Variants in DHX37 observed in about 807,000 individuals in gnomAD.
The protein encoded by DHX37 is probable ATP-dependent RNA helicase DHX37.
Under a neutral mutation model 134.3 loss-of-function variants are expected in DHX37, and 52 were observed. That is an observed-to-expected ratio of 0.39 (90% CI 0.31 to 0.49). The LOEUF is 0.49. DHX37 is among the 20% of genes least tolerant of loss of function. The pLI is 0.93. For missense variants in DHX37, 1,344 were observed against 1,580.8 expected, an observed-to-expected ratio of 0.85 and a Z score of 2.54; for synonymous variants, 634 against 670.7, an observed-to-expected ratio of 0.95 and a Z score of 0.85.
At chr12:124,961,293 C>CGCGT (rs1433845116) in intron 15 of DHX37, among the ~76,000 whole-genome samples, 2 of 142,596 alleles carry the variant, frequency 1.4e-5, no homozygotes, top group African/African-American at 5.5e-5. Flanking sequence ...CACACTTACA[C>CGCGT]GCGTGCACGC....
At position 124,980,747 on chromosome 12, in the gene DHX37, C is replaced by G. The variant is rs552765231; in HGVS notation, c.481G>C (p.Glu161Gln). The G allele has an allele frequency of 5.1e-6, 8 of 1,558,548 alleles. No homozygotes were observed. In the South Asian group the frequency reaches 8.1e-5, roughly 16 times the overall value. The change falls in exon 4 of 27, where the codon GAG (glutamate) becomes CAG (glutamine). Residue 161 changes from glutamate to glutamine, a missense_variant. Around this residue, in one of 7 missense-constraint regions of DHX37, gnomAD observed 319 missense variants for 296.1 expected, o/e 1.08. Transcript: ENST00000308736. This position sits in a 1 kb window ranked among gnomAD's most constrained non-coding sequence, Gnocchi z 5.3. ...RKRRRWPSAEEEEEEEEESES... is the reference protein window; with the variant it reads ...RKRRRWPSAEQEEEEEEESES... ...GACTCCTCCTCCTCCTCCTCCTCCT[C>G]CTCAGCTGAGGGCCAGCGGCGACGC...
At chr12:124,947,975 G>C (rs775544466) in intron 26 of DHX37, 88 bp from the exon 27 acceptor site, 6 of 1,612,360 alleles carry the variant, frequency 3.7e-6, no homozygotes, top group Non-Finnish European at 5.1e-6. Context: ...AGCAGCCGTG[G>C]GGCCAGATCC....
chr12:124,964,466 G>A lies in DHX37; in HGVS notation c.1973C>T (p.Thr658Ile), dbSNP rs199569663. The A allele has an allele frequency of 8.5e-5, 138 of 1,614,130 alleles. No individual in the cohort carries two copies. The highest frequency in any genetic ancestry group is 6.6e-4 in the Middle Eastern group (4 of 6,084). ...RVTGVSSFRVTWVSQASADQR... is the reference protein window; with the variant it reads ...RVTGVSSFRVIWVSQASADQR... Reference sequence around the variant, plus strand: ...GTCAGCTGATGCCTGGGAGACCCAGGTGACACGGAAGGAGGATACGCCAGT... The same window carrying A: ...GTCAGCTGATGCCTGGGAGACCCAGATGACACGGAAGGAGGATACGCCAGT... Residue 658 changes from threonine (T) to isoleucine (I), a missense_variant, in exon 15 of 27, where the codon ACC (threonine) becomes ATC (isoleucine). Coordinates refer to ENST00000308736, the MANE Select transcript of DHX37 (RefSeq NM_032656.4).
At chr12:124,960,719 T>A (rs574642369) in intron 15 of DHX37, among the ~76,000 whole-genome samples, 159 of 152,270 alleles carry the variant, frequency 1.0e-3, no homozygotes, top group Non-Finnish European at 2.0e-3. Context: ...TTTGGAAGGC[T>A]GGGGTGGGTG....
intron 2 of DHX37, among the ~76,000 whole-genome samples, chr12:124,984,109 T>C (rs1954814199): frequency 6.6e-6 from 1 of 152,210 alleles, no homozygotes; most frequent in African/African-American, 2.4e-5. Flanking sequence ...GCCCAAAATG[T>C]CTCAAGACAC....
rs1954413449 is a variant in DHX37 at position 124,967,465 on chromosome 12, T to C, written c.1409-247A>G. Among the ~76,000 whole-genome samples, 2 of 152,092 alleles carry C rather than the reference T, an allele frequency of 1.3e-5. 1 individual carries two copies. Among genetic ancestry groups the C allele is most frequent in the African/African-American group, 4.8e-5 (2 of 41,408 alleles). ...CTCCCAGGAACAGACCCAAAAGCCC[T>C]GAGAAGCGTGCTCACACGGAACCCT... On this transcript the variant is annotated intron_variant, in intron 10 of 26. Transcript: ENST00000308736.
At chr12:124,987,983 G>A (rs1410322464) in intron 1 of DHX37, among the ~76,000 whole-genome samples, 1 of 142,622 alleles carries the variant, frequency 7.0e-6, no homozygotes, top group Non-Finnish European at 1.5e-5. Flanking sequence ...GCCTGTCTGT[G>A]GAACTTTTTT....
intron 3 of DHX37, among the ~76,000 whole-genome samples, chr12:124,982,205 G>T (rs1018228230): frequency 6.6e-6 from 1 of 151,928 alleles, no homozygotes; most frequent in Non-Finnish European, 1.5e-5. Context: ...CCACCTAATG[G>T]CAATTTCTGG....
chr12:124,980,449 C>T lies in DHX37; in HGVS notation c.738+41G>A, dbSNP rs760649957. 8 of 1,593,938 alleles carry T rather than the reference C, an allele frequency of 5.0e-6. No individual in the cohort carries two copies. In the African/African-American group the frequency reaches 6.8e-5, roughly 13 times the overall value. ...GGACGCCCTCTGTGCGCCCCTTGCC[C>T]GCTAACCTAGATTCTTAATCACAAA... On this transcript the variant is annotated intron_variant, in intron 4 of 26. Coordinates refer to ENST00000308736, the MANE Select transcript of DHX37 (RefSeq NM_032656.4). The surrounding 1 kb of genome is among the most constrained non-coding windows in gnomAD (Gnocchi z 5.3).
At chr12:124,958,378 T>C (rs10773128) in intron 16 of DHX37, among the ~76,000 whole-genome samples, 62,459 of 151,986 alleles carry the variant, frequency 0.41, 15,705 homozygotes, top group African/African-American at 0.7. Context: ...CTGCGGAGTT[T>C]CTACAGAGTG....
At chr12:124,951,462 G>A (rs926603222) in intron 21 of DHX37, among the ~76,000 whole-genome samples, 5 of 152,210 alleles carry the variant, frequency 3.3e-5, no homozygotes, top group African/African-American at 7.2e-5. Flanking sequence ...CGGGGGTGAC[G>A]GGGAACTGGG....
rs763090216 is a variant in DHX37, at chr12:124,954,123, C to A, written c.2542G>T (p.Ala848Ser). Residue 848 changes from alanine (A) to serine (S), a missense_variant, in exon 19 of 27, where the codon GCT (alanine) becomes TCT (serine). By Grantham distance (99) the Ala-to-Ser change is moderately conservative. This residue lies in a region of DHX37 where 558 missense variants were observed against 650.0 expected (regional missense o/e 0.86). Coordinates refer to ENST00000308736, the MANE Select transcript of DHX37 (RefSeq NM_032656.4). ...QMKRTWAGQGASLKLGDLMVL... is the reference protein window; with the variant it reads ...QMKRTWAGQGSSLKLGDLMVL... ...ATGAGGTCGCCGAGCTTCAGAGAAG[C>A]CCCCTGCCCTGCCCAGGTCCTCTTC... 6.2e-7 allele frequency: 1 copy of A among 1,611,420 alleles called. No individual in the cohort carries two copies. The highest frequency in any genetic ancestry group is 8.5e-7 in the Non-Finnish European group (1 of 1,178,652).
rs759957909 is a variant in DHX37 at position 124,952,394 on chromosome 12, G to A, written c.2868+4C>T. 2.5e-6 allele frequency: 4 copies of A among 1,604,044 alleles called. No homozygotes were observed. The highest frequency in any genetic ancestry group is 1.7e-5 in the Admixed American group (1 of 59,334). ...CCCGGGCAGGGAGGCGGTGGGGGCC[G>A]CACCTTGTAGGCGTTCCTCCACTTG... On this transcript the variant is annotated splice_donor_region_variant and intron_variant, in intron 21 of 26. Transcript: ENST00000308736.
chr12:124,986,296 C>A, intron 1 of DHX37, 31 bp from the exon 2 acceptor site: 1 of 1,609,168 alleles, frequency 6.2e-7, no homozygotes, highest in Non-Finnish European at 8.5e-7. Context: ...AGTCCCCATT[C>A]TCCTTGAGGT....
intron 5 of DHX37, among the ~76,000 whole-genome samples, chr12:124,977,045 C>CAAAAAAA (rs368454437): frequency 8.1e-6 from 1 of 122,860 alleles, no homozygotes; most frequent in Non-Finnish European, 1.7e-5. Context: ...GACGCTGTCT[C>CAAAAAAA]AAAAAAAAAA....
chr12:124,960,563 G>T, intron 15 of DHX37, 140 bp from the exon 16 acceptor site: 1 of 1,399,664 alleles, frequency 7.1e-7, no homozygotes, highest in Non-Finnish European at 9.5e-7. Context: ...CTGACAGCAG[G>T]CACGGTGCTT....
intron 12 of DHX37, 126 bp downstream of exon 12, chr12:124,966,667 A>C (rs1954395721): frequency 9.9e-7 from 1 of 1,010,172 alleles, no homozygotes; most frequent in Non-Finnish European, 1.5e-6. Context: ...CCTGACCAGG[A>C]ACTGGATTTT....
At position 124,988,980 on chromosome 12, in the gene DHX37, G is replaced by A; in HGVS notation, c.43C>T (p.Gln15Ter). Residue 15 changes from glutamine to a stop codon, truncating the protein, a stop_gained, in exon 1 of 27, where the codon CAG (glutamine) becomes TAG (stop). Transcript: ENST00000308736. LOFTEE classifies it high-confidence loss of function. ...CCCTTCGAGGGTCCGGGGCCCGCCT[G>A]CTGGCGCCCCTTGATGTTGTAGCGC... ...RRRYNIKGRQQAGPGPSKGPP... is the reference protein window; with the variant it reads ...RRRYNIKGRQ The A allele has an allele frequency of 7.4e-7, 1 of 1,358,986 alleles. No individual in the cohort carries two copies. The highest frequency in any genetic ancestry group is 2.2e-5 in the South Asian group (1 of 45,864). 84.2% of individuals were successfully genotyped at this position (1,358,986 alleles called of 1,614,324 possible).
At chr12:124,982,876 T>C (rs1263624920) in intron 2 of DHX37, among the ~76,000 whole-genome samples, 3 of 152,116 alleles carry the variant, frequency 2.0e-5, no homozygotes, top group Non-Finnish European at 4.4e-5. Flanking sequence ...TAGAAGATTA[T>C]GGCCCACCAG....
Sources: allele counts gnomAD v4.1 joint callset (sites outside exome capture counted in the v4.1 genomes callset), GRCh38; gene constraint gnomAD v4.1.1; regional missense constraint gnomAD v4.1.1; non-coding constraint Gnocchi (gnomAD v3.1); transcripts MANE v1.5; gene names NCBI Gene and HGNC (gene_info 2026-07-23, HGNC 2026-07-21).